Variants in RAD54B observed in about 807,000 individuals in gnomAD.
RAD54B encodes RAD54 homolog B.
A neutral mutation model predicts 95.8 loss-of-function variants in RAD54B; 78 were observed. The ratio of observed to expected loss-of-function variants is 0.81; its 90% CI spans 0.68 to 0.98. The LOEUF (loss-of-function observed/expected upper bound fraction) is 0.98. RAD54B is among the 50% of genes least tolerant of loss of function. The probability of loss-of-function intolerance (pLI) is 0.00; values close to 1 mark genes in which losing one functional copy is unlikely to be tolerated. For synonymous variants in RAD54B, 328 were observed against 354.9 expected (o/e 0.92, Z 0.85); for missense variants, 957 against 1,056.6 (o/e 0.91, Z 1.31).
intron 3 of RAD54B, chr8:94,431,920 AAAG>A (rs1812105880): frequency 3.2e-6 from 4 of 1,232,536 alleles, no homozygotes; most frequent in South Asian, 5.8e-5. Context: ...GGGAAAAAAA[AAAG>A]AAGACAATAA....
rs1484913395 is a variant in RAD54B at position 94,398,667 on chromosome 8, T to C, written c.1378+747A>G. Among the ~76,000 whole-genome samples the C allele has an allele frequency of 2.0e-5, 3 of 152,150 alleles. No individual in the cohort carries two copies. The East Asian group carries it at 5.8e-4, about 29-fold the overall frequency. On this transcript the variant is annotated intron_variant, in intron 8 of 14. Coordinates refer to ENST00000336148, the MANE Select transcript of RAD54B (RefSeq NM_012415.3). ...GGGAATTGTAAATATTAGTAATGAA[T>C]ACAATTCTCTTCTTTATTCTGCTGA... is the stretch of plus-strand genomic sequence containing the variant.
chr8:94,439,692 G>A (rs1170521343), intron 3 of RAD54B, among the ~76,000 whole-genome samples: 5 of 151,818 alleles, frequency 3.3e-5, no homozygotes, highest in African/African-American at 9.7e-5. Flanking sequence ...GGGCGGGGTG[G>A]CGGCGGGGGC....
At chr8:94,417,768 T>G (rs1346170578) in intron 3 of RAD54B, among the ~76,000 whole-genome samples, 1 of 152,186 alleles carries the variant, frequency 6.6e-6, no homozygotes, top group East Asian at 1.9e-4. Flanking sequence ...GCCTGAAAAT[T>G]TATCACTACT....
intron 3 of RAD54B, among the ~76,000 whole-genome samples, chr8:94,442,934 T>C (rs1198922222): frequency 6.6e-6 from 1 of 152,174 alleles, no homozygotes; most frequent in African/African-American, 2.4e-5. Context: ...AAAGGACATA[T>C]ACCTCCCTCA....
intron 5 of RAD54B, among the ~76,000 whole-genome samples, chr8:94,404,854 C>T (rs1811348296): frequency 1.3e-5 from 2 of 152,058 alleles, no homozygotes; most frequent in African/African-American, 4.8e-5. Context: ...CACTCTGTTG[C>T]CCAGGGTGGA....
intron 11 of RAD54B, among the ~76,000 whole-genome samples, chr8:94,385,491 A>G (rs1251218214): frequency 1.3e-5 from 2 of 152,226 alleles, no homozygotes; most frequent in Non-Finnish European, 2.9e-5. Context: ...ATTATCTAAT[A>G]AAACATGTGA....
intron 3 of RAD54B, among the ~76,000 whole-genome samples, chr8:94,444,355 C>G (rs774180710): frequency 4.7e-5 from 7 of 148,200 alleles, no homozygotes; most frequent in African/African-American, 1.5e-4. Context: ...GAAATACATG[C>G]ATATGTTCAC....
intron 1 of RAD54B, among the ~76,000 whole-genome samples, chr8:94,472,823 G>C (rs755534564): frequency 1.3e-5 from 2 of 152,122 alleles, no homozygotes; most frequent in Non-Finnish European, 2.9e-5. Context: ...TAAATGCGAA[G>C]AATTACTACC....
intron 2 of RAD54B, among the ~76,000 whole-genome samples, chr8:94,466,107 G>A (rs1813017871): frequency 6.6e-6 from 1 of 152,132 alleles, no homozygotes; most frequent in African/African-American, 2.4e-5. Context: ...ACAACAGTGT[G>A]AAAGTCATTA....
chr8:94,428,270 C>A (rs1811994207), intron 3 of RAD54B: 2 of 967,552 alleles, frequency 2.1e-6, no homozygotes. Flanking sequence ...TCTCTATGTT[C>A]TCCCAGCATT....
intron 8 of RAD54B, among the ~76,000 whole-genome samples, chr8:94,396,500 C>G (rs1415191234): frequency 6.6e-6 from 1 of 151,992 alleles, no homozygotes; most frequent in African/African-American, 2.4e-5. Flanking sequence ...CCTGTAACCT[C>G]CACAGAAAGC....
chr8:94,445,029 A>G (rs1812487677), intron 3 of RAD54B, among the ~76,000 whole-genome samples: 1 of 152,208 alleles, frequency 6.6e-6, no homozygotes, highest in Non-Finnish European at 1.5e-5. Context: ...TGGAGCTGCT[A>G]TAACAAAGTA....
chr8:94,427,803 T>G (rs1357691648), intron 3 of RAD54B: 2 of 959,096 alleles, frequency 2.1e-6, no homozygotes, highest in African/African-American at 1.8e-5. Context: ...ACACAATTTA[T>G]TACACTCTAA....
At chr8:94,382,699 G>A (rs1005759458) in intron 11 of RAD54B, among the ~76,000 whole-genome samples, 1 of 152,176 alleles carries the variant, frequency 6.6e-6, no homozygotes, top group African/African-American at 2.4e-5. Context: ...CAGGTGGGAG[G>A]TGACTAAATC....
intron 2 of RAD54B, among the ~76,000 whole-genome samples, chr8:94,463,944 A>G (rs1380314838): frequency 1.3e-5 from 2 of 151,576 alleles, no homozygotes; most frequent in Non-Finnish European, 2.9e-5. Context: ...AAACGAAAAC[A>G]CATATCCACA....
At chr8:94,389,023 C>T (rs1014389574) in intron 10 of RAD54B, among the ~76,000 whole-genome samples, 34 of 152,200 alleles carry the variant, frequency 2.2e-4, no homozygotes, top group African/African-American at 8.0e-4. Context: ...AGTCTATGCA[C>T]GTGCATTCTG....
intron 14 of RAD54B, among the ~76,000 whole-genome samples, chr8:94,373,318 G>A (rs991880638): frequency 4.6e-5 from 7 of 152,214 alleles, no homozygotes; most frequent in Admixed American, 3.9e-4. Flanking sequence ...GAGGCCAGCC[G>A]TTATTCACCA....
chr8:94,447,212 G>T (rs978614784), intron 3 of RAD54B, among the ~76,000 whole-genome samples: 5 of 152,122 alleles, frequency 3.3e-5, no homozygotes, highest in Admixed American at 3.3e-4. Context: ...CATGCTACAT[G>T]AATCACAGAC....
chr8:94,411,013 A>G (rs1034418858), intron 4 of RAD54B, 108 bp downstream of exon 4: 7 of 800,580 alleles, frequency 8.7e-6, no homozygotes, highest in Non-Finnish European at 9.9e-6. Context: ...CATCCATTAA[A>G]GAATACCTTA....
Sources: gnomAD v4.1 joint callset for allele counts (sites outside exome capture counted in the v4.1 genomes callset) on GRCh38, gnomAD v4.1.1 for gene constraint, MANE v1.5 for transcripts, NCBI Gene and HGNC (gene_info 2026-07-23, HGNC 2026-07-21) for gene names.